The following FOXP1 variants were observed in gnomAD, a reference collection of about 807,000 sequenced individuals.
FOXP1 encodes the protein forkhead box P1.
A neutral mutation model predicts 98.2 loss-of-function variants in FOXP1; 15 were observed. That is an observed-to-expected ratio of 0.15 (90% CI 0.10 to 0.24). The LOEUF is 0.24. Ranked by LOEUF, FOXP1 falls within the 10% of genes least tolerant of loss-of-function variation. The pLI, the probability that FOXP1 is intolerant of heterozygous loss-of-function variation, is 1.00. For synonymous variants in FOXP1, 371 were observed against 314.5 expected (o/e 1.18, Z -1.90); for missense variants, 633 against 848.5 (o/e 0.75, Z 3.15).
chr3:71,271,468 G>T (rs547097539), intron 5 of FOXP1, among the ~76,000 whole-genome samples: 1 of 152,184 alleles, frequency 6.6e-6, no homozygotes, highest in Non-Finnish European at 1.5e-5. Context: ...TGTAAATCTG[G>T]AATTACCAGA....
chr3:71,407,540 G>A (rs2108253793), intron 3 of FOXP1, among the ~76,000 whole-genome samples: 1 of 152,206 alleles, frequency 6.6e-6, no homozygotes, highest in Non-Finnish European at 1.5e-5. Context: ...GTAAACATAT[G>A]GCCTGAGGAT....
intron 11 of FOXP1, among the ~76,000 whole-genome samples, chr3:71,017,936 A>G (rs187557208): frequency 6.6e-6 from 1 of 152,306 alleles, no homozygotes; most frequent in African/African-American, 2.4e-5. Context: ...TAGCCAGTAT[A>G]CATATTTTGT....
At chr3:71,153,314 C>T (rs943412987) in intron 6 of FOXP1, among the ~76,000 whole-genome samples, 15 of 152,122 alleles carry the variant, frequency 9.9e-5, no homozygotes, top group Admixed American at 8.5e-4. Flanking sequence ...AGAATGCTGT[C>T]GCTGCCAAGT....
chr3:71,392,175 T>C (rs1240729408), intron 3 of FOXP1, among the ~76,000 whole-genome samples: 1 of 152,210 alleles, frequency 6.6e-6, no homozygotes, highest in African/African-American at 2.4e-5. Context: ...AATAGTCCTT[T>C]ATAAAACTCA....
At chr3:71,331,273 G>C (rs2076280279) in intron 4 of FOXP1, among the ~76,000 whole-genome samples, 1 of 152,192 alleles carries the variant, frequency 6.6e-6, no homozygotes, top group Non-Finnish European at 1.5e-5. Flanking sequence ...CTTAGCACCT[G>C]GGCCAGCAGC....
intron 11 of FOXP1, among the ~76,000 whole-genome samples, chr3:71,018,059 G>A (rs541926325): frequency 4.6e-5 from 7 of 152,262 alleles, no homozygotes; most frequent in African/African-American, 1.7e-4. Context: ...GTTAAGCTGG[G>A]AGTGTTCTGA....
intron 3 of FOXP1, among the ~76,000 whole-genome samples, chr3:71,380,293 C>T (rs1447544465): frequency 2.0e-5 from 3 of 152,162 alleles, no homozygotes; most frequent in Non-Finnish European, 4.4e-5. Context: ...TGGTGAGCCG[C>T]AGGTTCTAAT....
chr3:71,162,920 T>C (rs1453983559), intron 6 of FOXP1, among the ~76,000 whole-genome samples: 1 of 152,244 alleles, frequency 6.6e-6, no homozygotes, highest in Admixed American at 6.5e-5. Flanking sequence ...CAGTTACGGC[T>C]GTCATCATTT....
chr3:71,265,488 C>T (rs2069549554), intron 5 of FOXP1, among the ~76,000 whole-genome samples: 1 of 152,208 alleles, frequency 6.6e-6, no homozygotes, highest in African/African-American at 2.4e-5. Flanking sequence ...AGCTCACCTC[C>T]AGGCCTGGAA....
intron 6 of FOXP1, among the ~76,000 whole-genome samples, chr3:71,135,255 CA>C (rs11285510): frequency 0.35 from 27,068 of 76,304 alleles, 2,348 homozygotes; most frequent in East Asian, 0.51. Flanking sequence ...GCCTCCGTCT[CA>C]AAAAAAAAAA....
chr3:71,010,731 T>C (rs1187226025), intron 12 of FOXP1, among the ~76,000 whole-genome samples: 1 of 152,000 alleles, frequency 6.6e-6, no homozygotes, highest in Admixed American at 6.6e-5. Flanking sequence ...GACTAGAGAA[T>C]TTTGGGTCCA....
At chr3:71,262,806 C>T (rs2069287805) in intron 5 of FOXP1, among the ~76,000 whole-genome samples, 2 of 152,294 alleles carry the variant, frequency 1.3e-5, no homozygotes, top group South Asian at 4.1e-4. Context: ...AGTATTGTGA[C>T]TAGTTTTAGA....
At chr3:71,088,194 C>A (rs187189261) in intron 7 of FOXP1, among the ~76,000 whole-genome samples, 2 of 152,290 alleles carry the variant, frequency 1.3e-5, no homozygotes, top group East Asian at 3.9e-4. Flanking sequence ...CTTCCCCGAA[C>A]CTGAAACTTT....
intron 5 of FOXP1, among the ~76,000 whole-genome samples, chr3:71,239,386 T>C (rs1273610722): frequency 6.6e-6 from 1 of 151,842 alleles, no homozygotes; most frequent in Non-Finnish European, 1.5e-5. Context: ...CTACTAAAAA[T>C]ACAAAAAATT....
intron 3 of FOXP1, among the ~76,000 whole-genome samples, chr3:71,448,144 T>A (rs919830934): frequency 1.3e-5 from 2 of 152,234 alleles, no homozygotes; most frequent in Admixed American, 6.5e-5. Flanking sequence ...ATAGACTCCT[T>A]CTAAGATTTC....
intron 6 of FOXP1, among the ~76,000 whole-genome samples, chr3:71,172,002 C>G (rs577696443): frequency 9.6e-4 from 146 of 152,300 alleles, no homozygotes; most frequent in Middle Eastern, 6.8e-3. Flanking sequence ...ACCTAATAAT[C>G]TCATTAACAT....
At chr3:70,997,408 T>A (rs2107582249) in intron 13 of FOXP1, among the ~76,000 whole-genome samples, 1 of 152,290 alleles carries the variant, frequency 6.6e-6, no homozygotes, top group East Asian at 1.9e-4. Flanking sequence ...AAGAATAGAT[T>A]CGAGTATAAC....
chr3:70,969,815 ATTGGATG>A (rs2035808350), intron 19 of FOXP1: 1 of 152,226 alleles, frequency 6.6e-6, no homozygotes, highest in South Asian at 2.1e-4. Context: ...CTGCAATGGT[ATTGGATG>A]ACAAATGTCA....
intron 5 of FOXP1, among the ~76,000 whole-genome samples, chr3:71,253,901 G>A (rs1348753046): frequency 2.6e-5 from 4 of 152,120 alleles, no homozygotes; most frequent in Non-Finnish European, 5.9e-5. Context: ...GTTTCTCTGG[G>A]TATTAAGAAC....
Sources: allele counts gnomAD v4.1 joint callset (sites outside exome capture counted in the v4.1 genomes callset), GRCh38; gene constraint gnomAD v4.1.1; transcripts MANE v1.5; gene names NCBI Gene and HGNC (gene_info 2026-07-23, HGNC 2026-07-21).